SDK2: variants seen among roughly 807,000 people sequenced by gnomAD.
SDK2 encodes sidekick cell adhesion molecule 2.
Under a neutral mutation model 253.9 loss-of-function variants are expected in SDK2, and 105 were observed. The observed-to-expected ratio is 0.41, with a 90% CI of 0.35 to 0.49. The LOEUF (loss-of-function observed/expected upper bound fraction) is 0.49. Among genes scored for constraint, SDK2 ranks in the 20% least tolerant of loss-of-function variants. The pLI is 0.06. For missense variants in SDK2, 2,608 were observed against 3,003.0 expected (o/e 0.87, Z 3.07); for synonymous variants, 1,249 against 1,234.9 (o/e 1.01, Z -0.24).
chr17:73,630,230 G>A (rs573910917), intron 1 of SDK2, among the ~76,000 whole-genome samples: 1 of 152,138 alleles, frequency 6.6e-6, no homozygotes, highest in South Asian at 2.1e-4. Flanking sequence ...GCGACACCTG[G>A]GAACTGTCAG....
At chr17:73,499,806 C>A (rs1019060818) in intron 2 of SDK2, among the ~76,000 whole-genome samples, 1 of 151,768 alleles carries the variant, frequency 6.6e-6, no homozygotes, top group Non-Finnish European at 1.5e-5. Flanking sequence ...GGACTTGGCA[C>A]CCATGAGCCT....
At chr17:73,602,586 A>G (rs2045856265) in intron 1 of SDK2, among the ~76,000 whole-genome samples, 1 of 151,686 alleles carries the variant, frequency 6.6e-6, no homozygotes, top group African/African-American at 2.4e-5. Flanking sequence ...AGATAGAAAT[A>G]AAGTTGGATG....
At chr17:73,551,217 GC>G in intron 1 of SDK2, among the ~76,000 whole-genome samples, 1 of 152,164 alleles carries the variant, frequency 6.6e-6, no homozygotes, top group East Asian at 1.9e-4. Flanking sequence ...TTGGGTGATG[GC>G]GGCCGGCTCC....
At chr17:73,397,767 T>C (rs1351204552) in intron 24 of SDK2, among the ~76,000 whole-genome samples, 1 of 152,236 alleles carries the variant, frequency 6.6e-6, no homozygotes, top group Non-Finnish European at 1.5e-5. Flanking sequence ...GTATCCTTTG[T>C]AAGATTATTG....
At chr17:73,404,233 T>C (rs547728061) in intron 18 of SDK2, among the ~76,000 whole-genome samples, 1 of 152,314 alleles carries the variant, frequency 6.6e-6, no homozygotes, top group Non-Finnish European at 1.5e-5. Flanking sequence ...TTCCTGTGGC[T>C]GTTTCAAAAT....
intron 2 of SDK2, among the ~76,000 whole-genome samples, chr17:73,483,173 A>G (rs755378229): frequency 1.3e-5 from 2 of 151,740 alleles, no homozygotes; most frequent in Non-Finnish European, 2.9e-5. Flanking sequence ...CCAGAAAGAA[A>G]TTCCTCTGGG....
intron 28 of SDK2, among the ~76,000 whole-genome samples, chr17:73,390,861 G>A (rs2062922369): frequency 6.6e-6 from 1 of 152,334 alleles, no homozygotes; most frequent in East Asian, 1.9e-4. Flanking sequence ...TCTTGGGGAT[G>A]TGGCATTGCT....
chr17:73,348,018 G>A (rs555857878), intron 44 of SDK2, among the ~76,000 whole-genome samples: 1 of 152,310 alleles, frequency 6.6e-6, no homozygotes, highest in South Asian at 2.1e-4. Context: ...GGAAACTGAG[G>A]CTTAGAAAGG....
At chr17:73,578,933 T>C (rs555375604) in intron 1 of SDK2, among the ~76,000 whole-genome samples, 73 of 152,030 alleles carry the variant, frequency 4.8e-4, no homozygotes, top group Non-Finnish European at 7.1e-4. Context: ...AGTCACTCTG[T>C]CCCAGACCAA....
intron 27 of SDK2, among the ~76,000 whole-genome samples, chr17:73,392,234 G>A (rs527985169): frequency 5.6e-4 from 85 of 151,210 alleles, no homozygotes; most frequent in African/African-American, 2.0e-3. Context: ...CTGTGTTGCC[G>A]CACTGCAGAA....
intron 1 of SDK2, among the ~76,000 whole-genome samples, chr17:73,606,081 G>A (rs1457623056): frequency 6.6e-6 from 1 of 152,214 alleles, no homozygotes; most frequent in Non-Finnish European, 1.5e-5. Flanking sequence ...ATGGGGCTGT[G>A]TTGGTTTTCT....
chr17:73,419,033 T>G, intron 16 of SDK2, 133 bp downstream of exon 16: 1 of 1,009,460 alleles, frequency 9.9e-7, no homozygotes, highest in Non-Finnish European at 1.5e-6. Flanking sequence ...TGAGTAGGCA[T>G]TTCTTGTTAC....
At chr17:73,504,835 G>A (rs972757227) in intron 2 of SDK2, among the ~76,000 whole-genome samples, 5 of 152,070 alleles carry the variant, frequency 3.3e-5, no homozygotes, top group East Asian at 1.9e-4. Flanking sequence ...ATGGTCTAGC[G>A]GGGGTGGCAG....
chr17:73,466,717 C>CG (rs1456046922), intron 3 of SDK2, among the ~76,000 whole-genome samples: 6 of 118,970 alleles, frequency 5.0e-5, no homozygotes, highest in African/African-American at 9.0e-5. Context: ...TGGGGAACGC[C>CG]CCCCCCCCCC....
chr17:73,462,893 C>T (rs2063573560), intron 3 of SDK2, among the ~76,000 whole-genome samples: 1 of 152,166 alleles, frequency 6.6e-6, no homozygotes, highest in South Asian at 2.1e-4. Flanking sequence ...CCAGGGAGTT[C>T]CTTGTTGAGC....
chr17:73,445,786 G>C (rs138927648), intron 5 of SDK2, among the ~76,000 whole-genome samples: 272 of 152,312 alleles, frequency 1.8e-3, no homozygotes, highest in African/African-American at 6.2e-3. Context: ...CTTGTGGAAA[G>C]AGAAATTAGC....
Position 73,438,015 on chromosome 17 carries a change from G to A in SDK2, c.865C>T (p.Arg289Cys), listed in dbSNP as rs769049365. The change falls in exon 7 of 45, where the codon CGC (arginine) becomes TGC (cysteine). Residue 289 changes from arginine (R) to cysteine (C), a missense_variant. Around this residue, in one of 2 missense-constraint regions of SDK2, gnomAD observed 1,505 missense variants for 1,859.1 expected, o/e 0.81. Transcript: ENST00000392650. ...ACAACAGAGGGGACGCTGCTGCTGCGCAGGACAGCCTCACACTCGTAGTAG... is the reference window on the plus strand; with the variant it reads ...ACAACAGAGGGGACGCTGCTGCTGCACAGGACAGCCTCACACTCGTAGTAG... ...AGYYECEAVL[R>C]SSSVPSVVRG... is the part of the protein sequence containing the mutation. The A allele has an allele frequency of 9.0e-6, 14 of 1,551,474 alleles. No homozygotes were observed. The highest frequency in any genetic ancestry group is 1.2e-5 in the South Asian group (1 of 84,090).
intron 44 of SDK2, among the ~76,000 whole-genome samples, chr17:73,341,432 C>CG (rs201143752): frequency 6.6e-6 from 1 of 152,072 alleles, no homozygotes; most frequent in African/African-American, 2.4e-5. Context: ...TGGGCCCCCC[C>CG]TCAGAACTCT....
chr17:73,607,317 T>C (rs901075146), intron 1 of SDK2, among the ~76,000 whole-genome samples: 8 of 152,190 alleles, frequency 5.3e-5, no homozygotes, highest in Non-Finnish European at 1.5e-5. Context: ...ACCAGTGCGA[T>C]TGGCACATAT....
Sources: allele counts gnomAD v4.1 joint callset (sites outside exome capture counted in the v4.1 genomes callset), GRCh38; gene constraint gnomAD v4.1.1; regional missense constraint gnomAD v4.1.1; transcripts MANE v1.5; gene names NCBI Gene and HGNC (gene_info 2026-07-23, HGNC 2026-07-21).